The following TOPORS variants were observed in gnomAD, a reference collection of about 807,000 sequenced individuals.
TOPORS encodes TOP1 binding arginine/serine rich protein, E3 ubiquitin ligase, also known as E3 ubiquitin-protein ligase Topors.
Under a neutral mutation model 81.4 loss-of-function variants are expected in TOPORS, and 25 were observed. That is an observed-to-expected ratio of 0.31 (90% CI 0.22 to 0.43). The LOEUF is 0.43. Ranked by LOEUF, TOPORS falls within the 20% of genes least tolerant of loss-of-function variation. TOPORS has a pLI of 1.00. For synonymous variants in TOPORS, 473 were observed against 456.6 expected, an observed-to-expected ratio of 1.04 and a Z score of -0.46; for missense variants, 1,101 against 1,267.0, an observed-to-expected ratio of 0.87 and a Z score of 1.99.
chr9:32,551,183 C>T (rs538578927), intron 1 of TOPORS: 1 of 628,586 alleles, frequency 1.6e-6, no homozygotes, highest in Non-Finnish European at 2.8e-6. Context: ...GCGCGACCCT[C>T]CCCATCTTGT....
Position 32,543,720 on chromosome 9 carries a change from C to T in TOPORS, c.805G>A (p.Val269Ile). 6.2e-7 allele frequency: 1 copy of T among 1,612,864 alleles called. No homozygotes were observed. Among genetic ancestry groups the T allele is most frequent in the South Asian group, 1.1e-5 (1 of 90,924 alleles). ...CGGCCACCATCTTCAATATTTCTAA[C>T]TCGAGCACCAGCACGATAAAGAGTT... ...RRTLYRAGAR[V>I]RNIEDGGRYR... Residue 269 changes from valine to isoleucine, a missense_variant, in exon 3 of 3, where the codon GTT (valine) becomes ATT (isoleucine). Val to Ile is a conservative substitution (Grantham distance 29). Transcript: ENST00000360538. This position sits in a 1 kb window ranked among gnomAD's most constrained non-coding sequence, Gnocchi z 5.6.
chr9:32,541,688 G>T lies in TOPORS; in HGVS notation c.2837C>A (p.Pro946Gln). Residue 946 changes from proline (P) to glutamine (Q), a missense_variant, in exon 3 of 3, where the codon CCA becomes CAA. By Grantham distance (76) the Pro-to-Gln change is moderately conservative. Around this residue, in one of 9 missense-constraint regions of TOPORS, gnomAD observed 605 missense variants for 636.1 expected, o/e 0.95. Coordinates refer to ENST00000360538, the MANE Select transcript of TOPORS (RefSeq NM_005802.5). ...TGTAACTACATCTTTAGTTTCAAAT[G>T]GTTCCAAGGAAGGAGCCAAAAACTC... is the stretch of plus-strand genomic sequence containing the variant. Reference protein sequence around the residue: ...QNEFLAPSLEPFETKDVVTIE... With the variant: ...QNEFLAPSLEQFETKDVVTIE... 1 of 1,614,136 alleles carries T rather than the reference G, an allele frequency of 6.2e-7. No homozygotes were observed. Among genetic ancestry groups the T allele is most frequent in the Non-Finnish European group, 8.5e-7 (1 of 1,180,030 alleles).
At chr9:32,548,232 T>A (rs1821167644) in intron 2 of TOPORS, among the ~76,000 whole-genome samples, 1 of 151,328 alleles carries the variant, frequency 6.6e-6, no homozygotes, top group Non-Finnish European at 1.5e-5. Context: ...TTAAGAGTGG[T>A]TGATTTGCTG....
chr9:32,551,728 T>A (rs898759801), intron 1 of TOPORS: 40 of 422,330 alleles, frequency 9.5e-5, no homozygotes, highest in Admixed American at 5.7e-4. Context: ...TGCTCGGGGC[T>A]TAGTATCTCA....
chr9:32,552,293 G>T, intron 1 of TOPORS, 141 bp downstream of exon 1: 2 of 1,261,660 alleles, frequency 1.6e-6, no homozygotes, highest in South Asian at 1.3e-5. Flanking sequence ...AGAGGCCAGC[G>T]ACAGCGCTGC....
In TOPORS at chr9:32,541,543, T is replaced by A; in HGVS notation, c.2982A>T (p.Gln994His). The A allele has an allele frequency of 6.2e-7, 1 of 1,614,210 alleles. No individual in the cohort carries two copies. The highest frequency in any genetic ancestry group is 8.5e-7 in the Non-Finnish European group (1 of 1,180,018). ...NIPPLAASVE[Q>H]TLDVREESTF... is the part of the protein sequence containing the mutation. ...TGCTCTCTTCTCTTACATCGAGAGT[T>A]TGTTCAACTGAAGCTGCCAGAGGTG... Residue 994 changes from glutamine (Q) to histidine (H), a missense_variant, in exon 3 of 3, where the codon CAA becomes CAT. By Grantham distance (24) the Gln-to-His change is conservative. Coordinates refer to ENST00000360538, the MANE Select transcript of TOPORS (RefSeq NM_005802.5).
rs911400286 is a variant in TOPORS at position 32,541,170 on chromosome 9, T to A, written c.*217A>T. On this transcript the variant is annotated 3_prime_UTR_variant, in exon 3 of 3. Coordinates refer to ENST00000360538, the MANE Select transcript of TOPORS (RefSeq NM_005802.5). ...TTAAATAAGCTGCTAGCAGTATCAT[T>A]TTCTTCACTTAAAAGTGCATATCTT... 1 of 458,786 alleles carries A rather than the reference T, an allele frequency of 2.2e-6. No individual in the cohort carries two copies. Among genetic ancestry groups the A allele is most frequent in the Non-Finnish European group, 3.9e-6 (1 of 256,700 alleles). 28.4% of individuals were successfully genotyped at this position (458,786 alleles called of 1,614,324 possible).
rs1587621118 is a variant in TOPORS, at chr9:32,542,217, T to C, written c.2308A>G (p.Arg770Gly). ...CTTGATCTGTTACTAGACAGGCTCC[T>C]TGATCTGTGCCTTTCATAGTAGTAA... ...KYYYYERHRS[R>G]SLSSNRSRTA... The change falls in exon 3 of 3, where the codon AGG becomes GGG. Residue 770 changes from arginine (R) to glycine (G), a missense_variant. By Grantham distance (125) the Arg-to-Gly change is moderately radical. Around this residue, in one of 9 missense-constraint regions of TOPORS, gnomAD observed 605 missense variants for 636.1 expected, o/e 0.95. Transcript: ENST00000360538. The C allele has an allele frequency of 6.8e-6, 11 of 1,614,224 alleles. No homozygotes were observed. The highest frequency in any genetic ancestry group is 1.6e-4 in the Middle Eastern group (1 of 6,062).
intron 1 of TOPORS, chr9:32,551,393 A>C: frequency 3.0e-6 from 1 of 334,414 alleles, no homozygotes. Context: ...CGGAAGCAAC[A>C]CCAGGAGTCC....
chr9:32,552,406 C>T (rs1214320895), intron 1 of TOPORS, 28 bp downstream of exon 1: 2 of 1,608,430 alleles, frequency 1.2e-6, no homozygotes, highest in Non-Finnish European at 1.7e-6. Context: ...CTCCCGCCAG[C>T]TCCCGCGGAC....
intron 2 of TOPORS, among the ~76,000 whole-genome samples, chr9:32,547,823 G>A (rs905295779): frequency 6.6e-6 from 1 of 151,804 alleles, no homozygotes; most frequent in Non-Finnish European, 1.5e-5. Context: ...TTTATGGATG[G>A]AATGTAATCT....
Position 32,541,468 on chromosome 9 carries a change from T to C in TOPORS, c.3057A>G (p.Gln1019=), listed in dbSNP as rs1459212094. ...ATGGCAATTGCCTTGATGGCTCAGT[T>C]TGAAGAGACACAATGTTACTGGGCT... ...ENQPSNIVSL[Q]TEPSRQLPSP... Residue 1019 remains glutamine, a synonymous_variant, in exon 3 of 3, where the codon CAA becomes CAG. Transcript: ENST00000360538. 6 of 1,614,104 alleles carry C rather than the reference T, an allele frequency of 3.7e-6. No individual in the cohort carries two copies. In the African/African-American group the frequency reaches 8.0e-5, roughly 22 times the overall value.
At position 32,550,998 on chromosome 9, in the gene TOPORS, C is replaced by G. The variant is rs374551378; in HGVS notation, c.4-30G>C. 146 of 1,605,746 alleles carry G rather than the reference C, an allele frequency of 9.1e-5. 1 individual carries two copies. The African/African-American group carries it at 1.7e-3, about 18-fold the overall frequency. On this transcript the variant is annotated intron_variant, in intron 1 of 2. Coordinates refer to ENST00000360538, the MANE Select transcript of TOPORS (RefSeq NM_005802.5). ...GACGCAAAGGGCTCATCACCAATGG[C>G]AGCTCGGAAGCAGGGCAGAGAGCGA... is the stretch of plus-strand genomic sequence containing the variant.
At chr9:32,548,188 T>A (rs528562292) in intron 2 of TOPORS, among the ~76,000 whole-genome samples, 1 of 151,040 alleles carries the variant, frequency 6.6e-6, no homozygotes, top group South Asian at 2.1e-4. Flanking sequence ...AAAATACAAA[T>A]TAAGGCATAA....
At position 32,540,618 on chromosome 9, in the gene TOPORS, C is replaced by A. The variant is rs972483772; in HGVS notation, c.*769G>T. 6 of 152,360 alleles carry A rather than the reference C, an allele frequency of 3.9e-5. No individual in the cohort carries two copies. The highest frequency in any genetic ancestry group is 3.9e-4 in the Admixed American group (6 of 15,260). The allele number at this position is 152,360 out of a possible 1,614,324, so 9.4% of individuals were successfully genotyped here. On this transcript the variant is annotated 3_prime_UTR_variant, in exon 3 of 3. Transcript: ENST00000360538. ...CTGATGATAGAAAGCAAATAAGATA[C>A]TCCTCAAAATCAAAGAAAATAATTA...
rs1414524137 is a variant in TOPORS, at chr9:32,544,157, A to T, written c.368T>A (p.Phe123Tyr). The T allele has an allele frequency of 1.9e-6, 3 of 1,614,042 alleles. No individual in the cohort carries two copies. The highest frequency in any genetic ancestry group is 2.5e-6 in the Non-Finnish European group (3 of 1,180,032). The change falls in exon 3 of 3, where the codon TTC (phenylalanine) becomes TAC (tyrosine). Residue 123 changes from phenylalanine to tyrosine, a missense_variant. Around this residue, in one of 9 missense-constraint regions of TOPORS, gnomAD observed 48 missense variants for 73.3 expected, o/e 0.65. Coordinates refer to ENST00000360538, the MANE Select transcript of TOPORS (RefSeq NM_005802.5). ...VSYLDRCLHK[F>Y]CFRCVQEWSK... ...CCACTCCTGTACACAGCGAAAACAG[A>T]ACTTATGTAAGCAGCGATCTAAGTA... is the stretch of plus-strand genomic sequence containing the variant.
Position 32,544,750 on chromosome 9 carries a change from TA to T in TOPORS, c.199-425del, listed in dbSNP as rs74736481. On this transcript the variant is annotated intron_variant, in intron 2 of 2. Coordinates refer to ENST00000360538, the MANE Select transcript of TOPORS (RefSeq NM_005802.5). ...AATAATTTGAGAAATATCTGACATA[TA>T]AAAAAAAAAAGTACCAAATACCCAT... 4.0e-3 allele frequency among the ~76,000 whole-genome samples: 582 copies of T among 145,582 alleles called. 1 individual carries two copies. The highest frequency in any genetic ancestry group is 5.1e-3 in the Non-Finnish European group (333 of 65,768).
At position 32,550,926 on chromosome 9, in the gene TOPORS, C is replaced by A; in HGVS notation, c.46G>T (p.Gly16Cys). The A allele has an allele frequency of 6.2e-7, 1 of 1,612,568 alleles. No individual in the cohort carries two copies. The highest frequency in any genetic ancestry group is 8.5e-7 in the Non-Finnish European group (1 of 1,179,808). Residue 16 changes from glycine (G) to cysteine (C), a missense_variant, in exon 2 of 3, where the codon GGT (glycine) becomes TGT (cysteine). Physicochemically the swap from Gly to Cys is radical, Grantham distance 159 (BLOSUM62 -3). Coordinates refer to ENST00000360538, the MANE Select transcript of TOPORS (RefSeq NM_005802.5). The part of the protein sequence containing the change: ...PLGSPLSREE[G>C]EAPPPAPASE... ...GCGGGAGCAGGCGGGGGCGCTTCAC[C>A]CTCCTCGCGAGACAGCGGAGACCCC...
At chr9:32,545,147 G>A (rs1821125130) in intron 2 of TOPORS, among the ~76,000 whole-genome samples, 1 of 152,130 alleles carries the variant, frequency 6.6e-6, no homozygotes, top group African/African-American at 2.4e-5. Flanking sequence ...GCTCACAGTA[G>A]GTGCTGAGTA....
Sources: gnomAD v4.1 joint callset for allele counts (sites outside exome capture counted in the v4.1 genomes callset) on GRCh38, gnomAD v4.1.1 for gene constraint, gnomAD v4.1.1 regional missense constraint, Gnocchi (gnomAD v3.1) non-coding constraint, MANE v1.5 for transcripts, NCBI Gene and HGNC (gene_info 2026-07-23, HGNC 2026-07-21) for gene names.